Variants in SATB2 observed in about 807,000 individuals in gnomAD.
SATB2 encodes SATB homeobox 2.
Under a neutral mutation model 73.4 loss-of-function variants are expected in SATB2, and 1 was observed. The ratio of observed to expected loss-of-function variants is 0.01; its 90% CI spans 0.00 to 0.06. SATB2 has a LOEUF of 0.06. Among genes scored for constraint, SATB2 ranks in the 10% least tolerant of loss-of-function variants. The pLI is 1.00. For missense variants in SATB2, 459 were observed against 945.8 expected (o/e 0.49, Z 6.75); for synonymous variants, 397 against 367.0 (o/e 1.08, Z -0.93).
At chr2:199,447,691 C>A (rs1195115955) in intron 2 of SATB2, among the ~76,000 whole-genome samples, 1 of 152,178 alleles carries the variant, frequency 6.6e-6, no homozygotes, top group Non-Finnish European at 1.5e-5. Flanking sequence ...GTCTCCTGGG[C>A]AACCACTTTC....
At chr2:199,298,584 G>A (rs879642078) in intron 10 of SATB2, among the ~76,000 whole-genome samples, 3 of 152,168 alleles carry the variant, frequency 2.0e-5, no homozygotes, top group Non-Finnish European at 2.9e-5. Flanking sequence ...GATCGAGTTT[G>A]TTAAGTCCAG....
chr2:199,301,760 G>C (rs1329490895), intron 10 of SATB2, among the ~76,000 whole-genome samples: 2 of 152,150 alleles, frequency 1.3e-5, no homozygotes, highest in Admixed American at 6.6e-5. Flanking sequence ...TTATAATGCA[G>C]AGACACTATG....
intron 3 of SATB2, 25 bp from the exon 4 acceptor site, chr2:199,381,845 A>C (rs1351495225): frequency 6.2e-7 from 1 of 1,613,232 alleles, no homozygotes. Flanking sequence ...AAAACATAAT[A>C]AACACATATC....
intron 10 of SATB2, among the ~76,000 whole-genome samples, chr2:199,282,068 A>G (rs1223868084): frequency 6.6e-6 from 1 of 151,844 alleles, no homozygotes; most frequent in Admixed American, 6.6e-5. Flanking sequence ...TTTTTAGTAG[A>G]AACAGTGTTT....
At chr2:199,441,944 G>A (rs1240636925) in intron 2 of SATB2, among the ~76,000 whole-genome samples, 1 of 152,120 alleles carries the variant, frequency 6.6e-6, no homozygotes, top group African/African-American at 2.4e-5. Flanking sequence ...GCCACACCTG[G>A]GAACTCTGCC....
chr2:199,447,164 C>A (rs1691988356), intron 2 of SATB2, among the ~76,000 whole-genome samples: 1 of 152,162 alleles, frequency 6.6e-6, no homozygotes, highest in African/African-American at 2.4e-5. Flanking sequence ...ACAAATACAG[C>A]CCAGAGTGAG....
chr2:199,471,227 C>T (rs1692699792), exon 1 of SATB2: 1 of 152,392 alleles, frequency 6.6e-6, no homozygotes, highest in African/African-American at 2.4e-5. Flanking sequence ...TTTACCTCTC[C>T]TGAGATCAGC....
intron 2 of SATB2, among the ~76,000 whole-genome samples, chr2:199,434,205 T>G (rs918120344): frequency 8.5e-5 from 13 of 152,166 alleles, no homozygotes; most frequent in African/African-American, 3.1e-4. Context: ...TGTCAAAATA[T>G]GCATCCAAAT....
intron 7 of SATB2, chr2:199,347,683 C>CCA (rs1279198700): frequency 6.6e-6 from 1 of 152,194 alleles, no homozygotes; most frequent in Non-Finnish European, 1.5e-5. Context: ...TTCCTCACCT[C>CCA]CAGCTCACCA....
At position 199,308,352 on chromosome 2, in the gene SATB2, A is replaced by AT. The variant is rs1179564814; in HGVS notation, c.1740+407dup. Among the ~76,000 whole-genome samples, 1 of 152,116 alleles carries AT rather than the reference A, an allele frequency of 6.6e-6. No homozygotes were observed. Among genetic ancestry groups the AT allele is most frequent in the Non-Finnish European group, 1.5e-5 (1 of 68,020 alleles). On this transcript the variant is annotated intron_variant, in intron 10 of 10. Coordinates refer to ENST00000417098, the MANE Select transcript of SATB2 (RefSeq NM_001172509.2). The surrounding 1 kb of genome is among the most constrained non-coding windows in gnomAD (Gnocchi z 4.6). ...TTTCTTTTCCTCAGTCTAATCAAACATTCTTTGAGGGATTTTGGATGCAAA... is the reference window on the plus strand; with the variant it reads ...TTTCTTTTCCTCAGTCTAATCAAACATTTCTTTGAGGGATTTTGGATGCAAA...
chr2:199,446,751 T>TA (rs1553506113), intron 2 of SATB2, among the ~76,000 whole-genome samples: 5 of 152,182 alleles, frequency 3.3e-5, no homozygotes, highest in Non-Finnish European at 7.3e-5. Flanking sequence ...ATAACTTTTT[T>TA]AAAAAAGCTT....
chr2:199,466,555 G>C (rs867744860), upstream of SATB2, among the ~76,000 whole-genome samples: 2 of 152,166 alleles, frequency 1.3e-5, no homozygotes, highest in Middle Eastern at 3.2e-3. Context: ...TGGAAGGATT[G>C]GCAAGGAAAG....
chr2:199,445,747 T>C (rs1298055461), intron 2 of SATB2, among the ~76,000 whole-genome samples: 3 of 152,168 alleles, frequency 2.0e-5, no homozygotes, highest in African/African-American at 4.8e-5. Flanking sequence ...GCTCTTCTTA[T>C]ACTCCGTCGA....
intron 7 of SATB2, 182 bp from the exon 8 acceptor site, chr2:199,329,092 T>C (rs1468658512): frequency 9.1e-6 from 6 of 658,430 alleles, no homozygotes; most frequent in South Asian, 1.7e-5. Context: ...CCGGGGGATA[T>C]GCATTATTTT....
chr2:199,347,411 C>T (rs1574530566), intron 7 of SATB2: 1 of 152,164 alleles, frequency 6.6e-6, no homozygotes, highest in South Asian at 2.1e-4. Context: ...TTTAACTCAA[C>T]ATCTTTCCTA....
intron 8 of SATB2, among the ~76,000 whole-genome samples, chr2:199,324,346 A>G (rs1325257670): frequency 6.6e-6 from 1 of 152,168 alleles, no homozygotes; most frequent in East Asian, 1.9e-4. Context: ...AAAAATAAGT[A>G]AATGGGTAGA....
intron 3 of SATB2, among the ~76,000 whole-genome samples, chr2:199,408,450 T>C (rs917223977): frequency 7.9e-5 from 12 of 152,114 alleles, no homozygotes; most frequent in Admixed American, 2.6e-4. Context: ...AACAAACTAA[T>C]GCATTTATAG....
intron 8 of SATB2, among the ~76,000 whole-genome samples, chr2:199,328,074 G>A (rs1688079833): frequency 2.6e-5 from 4 of 152,066 alleles, no homozygotes; most frequent in South Asian, 2.1e-4. Context: ...ACTCCTAACT[G>A]AGCAGCTATG....
intron 8 of SATB2, among the ~76,000 whole-genome samples, chr2:199,324,446 T>G (rs963729921): frequency 6.6e-6 from 1 of 152,162 alleles, no homozygotes; most frequent in Non-Finnish European, 1.5e-5. Context: ...CATTCGAGTA[T>G]GTATGGTTTC....
Sources: allele counts gnomAD v4.1 joint callset (sites outside exome capture counted in the v4.1 genomes callset), GRCh38; gene constraint gnomAD v4.1.1; non-coding constraint Gnocchi (gnomAD v3.1); transcripts MANE v1.5; gene names NCBI Gene and HGNC (gene_info 2026-07-23, HGNC 2026-07-21).